Variants in LAMA2 observed in about 807,000 individuals in gnomAD.
LAMA2 encodes the protein laminin subunit alpha 2, also known as laminin subunit alpha-2.
Under a neutral mutation model 364.8 loss-of-function variants are expected in LAMA2, and 269 were observed. The ratio of observed to expected loss-of-function variants is 0.74; its 90% CI spans 0.67 to 0.82. The LOEUF (loss-of-function observed/expected upper bound fraction) is 0.82, where lower values mean the gene tolerates loss of function less well. Among genes scored for constraint, LAMA2 ranks in the 40% least tolerant of loss-of-function variants. The probability of loss-of-function intolerance (pLI) is 0.00; values close to 1 mark genes in which losing one functional copy is unlikely to be tolerated. For missense variants in LAMA2, 3,807 were observed against 3,873.2 expected (o/e 0.98, Z 0.45); for synonymous variants, 1,379 against 1,370.6 (o/e 1.01, Z -0.14).
intron 1 of LAMA2, among the ~76,000 whole-genome samples, chr6:129,045,835 A>G (rs1389498012): frequency 1.3e-5 from 2 of 152,168 alleles, no homozygotes; most frequent in African/African-American, 4.8e-5. Flanking sequence ...CAGGTCTTTC[A>G]GGGCAGACCA....
At chr6:129,318,055 C>T (rs1262478698) in intron 27 of LAMA2, among the ~76,000 whole-genome samples, 11 of 152,030 alleles carry the variant, frequency 7.2e-5, no homozygotes, top group Non-Finnish European at 7.4e-5. Flanking sequence ...TCTCACAATG[C>T]TAAGAACAAA....
chr6:129,248,145 G>A (rs191179597), intron 12 of LAMA2, among the ~76,000 whole-genome samples: 105 of 152,206 alleles, frequency 6.9e-4, no homozygotes, highest in African/African-American at 2.5e-3. Context: ...TGTGAACTGC[G>A]CATGCGAGGG....
At chr6:129,127,622 AT>A (rs1002365055) in intron 4 of LAMA2, among the ~76,000 whole-genome samples, 4 of 152,160 alleles carry the variant, frequency 2.6e-5, no homozygotes, top group Non-Finnish European at 5.9e-5. Context: ...GGCTGTACTA[AT>A]TTACATTCCC....
chr6:129,508,597 A>G (rs2114915656), intron 62 of LAMA2, among the ~76,000 whole-genome samples: 1 of 152,306 alleles, frequency 6.6e-6, no homozygotes, highest in African/African-American at 2.4e-5. Context: ...TTTAGCTCCC[A>G]CAGATAAGTG....
At chr6:129,278,703 G>A (rs899056296) in intron 17 of LAMA2, among the ~76,000 whole-genome samples, 1 of 152,078 alleles carries the variant, frequency 6.6e-6, no homozygotes, top group East Asian at 1.9e-4. Flanking sequence ...ACTCCTTAAT[G>A]TGGAATCTTT....
At chr6:129,400,358 A>G (rs1779901218) in intron 37 of LAMA2, among the ~76,000 whole-genome samples, 2 of 152,204 alleles carry the variant, frequency 1.3e-5, no homozygotes, top group South Asian at 4.1e-4. Flanking sequence ...ACTTATGTAA[A>G]AAGTGATCAA....
rs1491387157 is a variant in LAMA2, at chr6:129,330,591, G to GTTTTTTTTTT, written c.4311+2179_4311+2180insTTTTTTTTTT. ...TTGAAGCGTTTTTTTGTTGTTGTTT[G>GTTTTTTTTTT]GTTTTTGTTTTTTTTTTTTTTTTTC... On this transcript the variant is annotated intron_variant, in intron 29 of 64. Transcript: ENST00000421865. Among the ~76,000 whole-genome samples, 29 of 83,802 alleles carry GTTTTTTTTTT rather than the reference G, an allele frequency of 3.5e-4. 1 individual carries two copies. Among genetic ancestry groups the GTTTTTTTTTT allele is most frequent in the East Asian group, 9.3e-4 (2 of 2,144 alleles). The allele number at this position is 83,802 out of a possible 152,430, so 55.0% of individuals were successfully genotyped here.
chr6:129,480,553 G>GTGAA (rs201815731), intron 54 of LAMA2, among the ~76,000 whole-genome samples: 20 of 152,194 alleles, frequency 1.3e-4, no homozygotes, highest in East Asian at 3.9e-4. Flanking sequence ...TTGTGAAAGA[G>GTGAA]TGAATGAATG....
chr6:129,509,898 T>C (rs1368611679), intron 62 of LAMA2, among the ~76,000 whole-genome samples: 1 of 152,178 alleles, frequency 6.6e-6, no homozygotes, highest in African/African-American at 2.4e-5. Context: ...GGTATTTTAA[T>C]AGGGATTATA....
chr6:129,090,761 T>G (rs1451533250), intron 3 of LAMA2, among the ~76,000 whole-genome samples: 1 of 152,218 alleles, frequency 6.6e-6, no homozygotes, highest in Non-Finnish European at 1.5e-5. Flanking sequence ...TAGATTGTGC[T>G]ATGTGCTTCC....
intron 4 of LAMA2, among the ~76,000 whole-genome samples, chr6:129,129,707 G>A (rs1486344348): frequency 6.6e-6 from 1 of 151,870 alleles, no homozygotes; most frequent in Admixed American, 6.5e-5. Flanking sequence ...GGCGGATCAC[G>A]AGGTCAGGAG....
intron 12 of LAMA2, among the ~76,000 whole-genome samples, chr6:129,194,539 C>T (rs1337380341): frequency 1.3e-5 from 2 of 152,190 alleles, no homozygotes; most frequent in African/African-American, 4.8e-5. Flanking sequence ...CACAGTGAAG[C>T]TCTTCATATT....
At position 129,042,166 on chromosome 6, in the gene LAMA2, G is replaced by A. The variant is rs189368876; in HGVS notation, c.113-7752G>A. 1.1e-3 allele frequency among the ~76,000 whole-genome samples: 167 copies of A among 151,838 alleles called. 2 individuals are homozygous for A. The highest frequency in any genetic ancestry group is 3.9e-3 in the African/African-American group (163 of 41,378). ...CTAAAAATACAAAAATTAGCTGGGC[G>A]TGGTGGCAGGCTCCTGTAATCCCAG... On this transcript the variant is annotated intron_variant, in intron 1 of 64. Coordinates refer to ENST00000421865, the MANE Select transcript of LAMA2 (RefSeq NM_000426.4).
At chr6:129,464,796 T>G (rs959554385) in intron 50 of LAMA2, among the ~76,000 whole-genome samples, 1 of 151,956 alleles carries the variant, frequency 6.6e-6, no homozygotes, top group African/African-American at 2.4e-5. Context: ...AAGGTGATTA[T>G]AAGTATTCTT....
intron 3 of LAMA2, among the ~76,000 whole-genome samples, chr6:129,082,972 A>T (rs968874426): frequency 6.6e-6 from 1 of 151,876 alleles, no homozygotes; most frequent in Non-Finnish European, 1.5e-5. Context: ...ATTTACAGAT[A>T]TTTTTTCTAT....
Position 129,147,008 on chromosome 6 carries a change from A to G in LAMA2, c.869A>G (p.Tyr290Cys), listed in dbSNP as rs1306535957. ...TCAGTTGGAGGGATGTGCATCTGCT[A>G]TGGTCATGCCAGGGCTTGTCCACTT... ...DISVGGMCIC[Y>C]GHARACPLDP... Residue 290 changes from tyrosine to cysteine, a missense_variant, in exon 6 of 65, where the codon TAT (tyrosine) becomes TGT (cysteine). Physicochemically the swap from Tyr to Cys is radical, Grantham distance 194. Coordinates refer to ENST00000421865, the MANE Select transcript of LAMA2 (RefSeq NM_000426.4). The G allele has an allele frequency of 1.2e-6, 2 of 1,612,210 alleles. No homozygotes were observed. The highest frequency in any genetic ancestry group is 1.7e-6 in the Non-Finnish European group (2 of 1,178,430).
chr6:128,915,701 TTGTC>T (rs1443963292), intron 1 of LAMA2, among the ~76,000 whole-genome samples: 7 of 152,300 alleles, frequency 4.6e-5, no homozygotes, highest in Non-Finnish European at 7.4e-5. Context: ...GTGAAATACA[TTGTC>T]TGATAAAAAT....
At chr6:128,988,018 C>G (rs995015151) in intron 1 of LAMA2, among the ~76,000 whole-genome samples, 16 of 152,084 alleles carry the variant, frequency 1.1e-4, no homozygotes, top group Non-Finnish European at 1.6e-4. Flanking sequence ...GCATCCGGCA[C>G]CAGGCCCAGC....
At chr6:129,223,833 T>C (rs996897506) in intron 12 of LAMA2, among the ~76,000 whole-genome samples, 2 of 152,214 alleles carry the variant, frequency 1.3e-5, no homozygotes, top group African/African-American at 4.8e-5. Context: ...TGGGCTCTTT[T>C]TTGGTTCCAT....
Sources: gnomAD v4.1 joint callset for allele counts (sites outside exome capture counted in the v4.1 genomes callset) on GRCh38, gnomAD v4.1.1 for gene constraint, MANE v1.5 for transcripts, NCBI Gene and HGNC (gene_info 2026-07-23, HGNC 2026-07-21) for gene names.